The following RORA variants were observed in gnomAD, a reference collection of about 807,000 sequenced individuals.
The protein encoded by RORA is nuclear receptor ROR-alpha.
RORA carries 7 observed loss-of-function variants against 69.5 expected under a neutral mutation model. The observed-to-expected ratio is 0.10, with a 90% CI of 0.06 to 0.19. The LOEUF (loss-of-function observed/expected upper bound fraction) is 0.19. RORA is among the 10% of genes least tolerant of loss of function. The probability of loss-of-function intolerance (pLI) is 1.00; values close to 1 mark genes in which losing one functional copy is unlikely to be tolerated. For synonymous variants in RORA, 261 were observed against 240.8 expected (o/e 1.08, Z -0.78); for missense variants, 457 against 663.0 (o/e 0.69, Z 3.41).
intron 2 of RORA, chr15:60,544,976 T>C (rs2067022954): frequency 6.6e-6 from 1 of 152,206 alleles, no homozygotes; most frequent in Non-Finnish European, 1.5e-5. Context: ...AAAAGCTTAA[T>C]ATGCATCAGA....
chr15:60,589,076 A>C (rs1013358137), intron 2 of RORA, among the ~76,000 whole-genome samples: 3 of 152,222 alleles, frequency 2.0e-5, no homozygotes, highest in Admixed American at 6.5e-5. Context: ...TTCTCTTTTC[A>C]AGATCCAGCC....
At chr15:61,067,857 T>C (rs1595941721) in intron 1 of RORA, among the ~76,000 whole-genome samples, 1 of 152,216 alleles carries the variant, frequency 6.6e-6, no homozygotes, top group South Asian at 2.1e-4. Context: ...TCCAAGGTAA[T>C]ATCTGAAATC....
chr15:60,954,203 A>G (rs1226880998), intron 1 of RORA, among the ~76,000 whole-genome samples: 3 of 143,336 alleles, frequency 2.1e-5, no homozygotes, highest in African/African-American at 5.2e-5. Context: ...CAAAAAACCA[A>G]ACACCGCATA....
chr15:60,690,858 A>G (rs1465114707), intron 1 of RORA, among the ~76,000 whole-genome samples: 1 of 152,166 alleles, frequency 6.6e-6, no homozygotes, highest in Admixed American at 6.5e-5. Context: ...GGACACCTCA[A>G]CTGGACCCAG....
intron 2 of RORA, among the ~76,000 whole-genome samples, chr15:60,566,866 A>G (rs2067726920): frequency 6.6e-6 from 1 of 152,136 alleles, no homozygotes; most frequent in African/African-American, 2.4e-5. Flanking sequence ...CAAATGGCTC[A>G]ATATAAGGAT....
At chr15:60,714,633 G>A (rs2071196177) in intron 1 of RORA, among the ~76,000 whole-genome samples, 1 of 152,098 alleles carries the variant, frequency 6.6e-6, no homozygotes, top group Non-Finnish European at 1.5e-5. Context: ...CCAAAGTGCT[G>A]GGATTACAGT....
At chr15:61,153,069 T>C (rs532357627) in intron 1 of RORA, among the ~76,000 whole-genome samples, 1 of 152,180 alleles carries the variant, frequency 6.6e-6, no homozygotes, top group Non-Finnish European at 1.5e-5. Context: ...GGTGTCCTGA[T>C]TGATAATCCT....
chr15:60,606,060 G>A (rs534334120), intron 2 of RORA, among the ~76,000 whole-genome samples: 2 of 152,246 alleles, frequency 1.3e-5, no homozygotes, highest in South Asian at 2.1e-4. Flanking sequence ...ATTTGGGATC[G>A]TTCTAATTGA....
chr15:60,996,798 T>C (rs1417144785), intron 1 of RORA, among the ~76,000 whole-genome samples: 1 of 151,898 alleles, frequency 6.6e-6, no homozygotes, highest in Non-Finnish European at 1.5e-5. Context: ...TAGTCGCAGC[T>C]ACTCGGGAGG....
At chr15:60,767,107 C>T (rs1449505488) in intron 1 of RORA, among the ~76,000 whole-genome samples, 2 of 152,188 alleles carry the variant, frequency 1.3e-5, no homozygotes, top group African/African-American at 4.8e-5. Context: ...GAAATCTGTG[C>T]TTCAAGCTTC....
intron 1 of RORA, among the ~76,000 whole-genome samples, chr15:61,028,451 C>A (rs545551126): frequency 6.6e-5 from 10 of 152,158 alleles, no homozygotes; most frequent in Non-Finnish European, 1.3e-4. Flanking sequence ...CTAATGAGCT[C>A]CTACTATGTG....
chr15:60,863,572 G>A (rs1363260818), intron 1 of RORA, among the ~76,000 whole-genome samples: 2 of 152,080 alleles, frequency 1.3e-5, no homozygotes, highest in Non-Finnish European at 2.9e-5. Context: ...ATGGTTTTTT[G>A]TTTTGGCTTT....
At chr15:61,202,977 A>T (rs766247170) in intron 1 of RORA, among the ~76,000 whole-genome samples, 7 of 152,232 alleles carry the variant, frequency 4.6e-5, no homozygotes, top group Non-Finnish European at 8.8e-5. Context: ...AATTACAATC[A>T]TATAAGGAAC....
chr15:60,702,289 G>A (rs1014781995), intron 1 of RORA, among the ~76,000 whole-genome samples: 5 of 152,096 alleles, frequency 3.3e-5, no homozygotes, highest in Non-Finnish European at 7.4e-5. Flanking sequence ...GCAGTGGTGC[G>A]ATCTAGGCTC....
chr15:60,867,411 T>C (rs1372364223), intron 1 of RORA, among the ~76,000 whole-genome samples: 1 of 151,934 alleles, frequency 6.6e-6, no homozygotes, highest in Non-Finnish European at 1.5e-5. Context: ...CAGAATTGAG[T>C]TTAATTGTAG....
chr15:61,076,671 G>A (rs764738474), intron 1 of RORA, among the ~76,000 whole-genome samples: 4 of 152,182 alleles, frequency 2.6e-5, no homozygotes, highest in African/African-American at 7.2e-5. Context: ...TCATCATGCC[G>A]TGGATCACTG....
At chr15:60,507,905 C>T (rs1428003411) in intron 5 of RORA, among the ~76,000 whole-genome samples, 1 of 152,118 alleles carries the variant, frequency 6.6e-6, no homozygotes. Flanking sequence ...TCTTAAGAAA[C>T]TGTGGCCACT....
intron 1 of RORA, among the ~76,000 whole-genome samples, chr15:61,045,272 C>T (rs1896966398): frequency 1.3e-5 from 2 of 152,146 alleles, no homozygotes; most frequent in African/African-American, 4.8e-5. Context: ...CATATGCTTG[C>T]CTGCCGCCAT....
intron 1 of RORA, among the ~76,000 whole-genome samples, chr15:61,127,045 T>C (rs887197225): frequency 6.6e-6 from 1 of 152,112 alleles, no homozygotes; most frequent in African/African-American, 2.4e-5. Flanking sequence ...TAAAATCAGA[T>C]TGCAATTAAA....
Sources: allele counts gnomAD v4.1 joint callset (sites outside exome capture counted in the v4.1 genomes callset), GRCh38; gene constraint gnomAD v4.1.1; transcripts MANE v1.5; gene names NCBI Gene and HGNC (gene_info 2026-07-23, HGNC 2026-07-21).